The following NALCN variants were observed in gnomAD, a reference collection of about 807,000 sequenced individuals.
The protein encoded by NALCN is sodium leak channel, non-selective.
A neutral mutation model predicts 225.3 loss-of-function variants in NALCN; 111 were observed. The observed-to-expected ratio is 0.49, with a 90% CI of 0.42 to 0.58. NALCN has a LOEUF of 0.58. Among genes scored for constraint, NALCN ranks in the 20% least tolerant of loss-of-function variants. NALCN has a pLI of 0.00. For missense variants in NALCN, 1,378 were observed against 2,202.4 expected (o/e 0.63, Z 7.49); for synonymous variants, 764 against 769.0 (o/e 0.99, Z 0.11).
chr13:101,109,992 A>G (rs1263742326), intron 20 of NALCN, among the ~76,000 whole-genome samples: 3 of 152,190 alleles, frequency 2.0e-5, no homozygotes, highest in African/African-American at 7.2e-5. Context: ...TGAACTTATT[A>G]TCTGTCTCCT....
intron 12 of NALCN, among the ~76,000 whole-genome samples, chr13:101,235,043 G>A (rs1312079938): frequency 6.6e-6 from 1 of 151,322 alleles, no homozygotes; most frequent in African/African-American, 2.4e-5. Context: ...CCATTTTATA[G>A]GTATTTTACA....
At chr13:101,213,858 G>A (rs956985147) in intron 13 of NALCN, among the ~76,000 whole-genome samples, 1 of 152,200 alleles carries the variant, frequency 6.6e-6, no homozygotes, top group African/African-American at 2.4e-5. Flanking sequence ...CTGTAAACTA[G>A]TTCAATCATT....
intron 28 of NALCN, among the ~76,000 whole-genome samples, chr13:101,090,898 CAG>C (rs1318922473): frequency 6.6e-6 from 1 of 152,148 alleles, no homozygotes; most frequent in African/African-American, 2.4e-5. Context: ...CCCCGCTGTC[CAG>C]AGTTTCCAAC....
chr13:101,384,501 G>A (rs931375603), intron 3 of NALCN, among the ~76,000 whole-genome samples: 3 of 152,128 alleles, frequency 2.0e-5, no homozygotes, highest in Non-Finnish European at 4.4e-5. Context: ...AAAATGATAT[G>A]CACTGGTACA....
intron 6 of NALCN, among the ~76,000 whole-genome samples, chr13:101,365,385 TCTCA>T: frequency 6.6e-6 from 1 of 152,174 alleles, no homozygotes; most frequent in Non-Finnish European, 1.5e-5. Flanking sequence ...TCTCATTCTT[TCTCA>T]TGGCTGCATA....
chr13:101,177,419 A>ATATATATATATATATATATATATC (rs2039005468), intron 14 of NALCN, among the ~76,000 whole-genome samples: 1 of 142,180 alleles, frequency 7.0e-6, no homozygotes, highest in Admixed American at 6.9e-5. Context: ...GTATATATAT[A>ATATATATATATATATATATATATC]TATATATATA....
chr13:101,218,336 G>A (rs2040816866), intron 13 of NALCN, among the ~76,000 whole-genome samples: 1 of 152,072 alleles, frequency 6.6e-6, no homozygotes, highest in Non-Finnish European at 1.5e-5. Context: ...GAAATGTATT[G>A]TCTCACAGGT....
At chr13:101,182,182 G>T (rs2039265651) in intron 14 of NALCN, among the ~76,000 whole-genome samples, 2 of 149,824 alleles carry the variant, frequency 1.3e-5, no homozygotes, top group Non-Finnish European at 1.5e-5. Flanking sequence ...TCTTACATTG[G>T]TTAAACAAGA....
intron 11 of NALCN, among the ~76,000 whole-genome samples, chr13:101,250,125 T>C (rs1022710819): frequency 6.6e-6 from 1 of 152,038 alleles, no homozygotes; most frequent in African/African-American, 2.4e-5. Flanking sequence ...AAAGAAACTG[T>C]AGGATATGTA....
intron 7 of NALCN, among the ~76,000 whole-genome samples, chr13:101,300,363 T>TTCCTTCCTTCCTTCC (rs1555331934): frequency 2.0e-4 from 4 of 19,868 alleles, no homozygotes; most frequent in South Asian, 5.6e-3. Flanking sequence ...TCTTTCTTTC[T>TTCCTTCCTTCCTTCC]TTCTTTCCTT....
At chr13:101,288,435 C>A (rs2043422545) in intron 9 of NALCN, among the ~76,000 whole-genome samples, 1 of 152,132 alleles carries the variant, frequency 6.6e-6, no homozygotes, top group Non-Finnish European at 1.5e-5. Flanking sequence ...GTCTTTTCAT[C>A]CATTTTTTCT....
At chr13:101,127,512 C>T (rs776422567) in intron 17 of NALCN, among the ~76,000 whole-genome samples, 1 of 152,114 alleles carries the variant, frequency 6.6e-6, no homozygotes, top group Non-Finnish European at 1.5e-5. Context: ...GCATGCACTA[C>T]CACACCGGCT....
intron 3 of NALCN, 61 bp downstream of exon 3, chr13:101,395,122 A>T: frequency 1.4e-6 from 2 of 1,458,900 alleles, no homozygotes; most frequent in Non-Finnish European, 1.8e-6. Flanking sequence ...AAATATGATT[A>T]AAGGGATTAA....
chr13:101,322,963 T>G (rs1190636326), intron 7 of NALCN, among the ~76,000 whole-genome samples: 1 of 152,122 alleles, frequency 6.6e-6, no homozygotes. Flanking sequence ...ACTGCCCGCC[T>G]TGGCCTCCCA....
chr13:101,111,549 T>G (rs1594228673), intron 18 of NALCN, among the ~76,000 whole-genome samples: 3 of 152,138 alleles, frequency 2.0e-5, no homozygotes, highest in Admixed American at 6.5e-5. Flanking sequence ...AAGGCCAGCC[T>G]ACCCACAGTG....
intron 12 of NALCN, among the ~76,000 whole-genome samples, chr13:101,234,159 G>C (rs1302840017): frequency 6.6e-6 from 1 of 152,170 alleles, no homozygotes; most frequent in African/African-American, 2.4e-5. Flanking sequence ...TCTTCCTTAA[G>C]ACATTTCCAG....
intron 11 of NALCN, among the ~76,000 whole-genome samples, chr13:101,252,069 C>T (rs2042077675): frequency 6.6e-6 from 1 of 152,138 alleles, no homozygotes; most frequent in African/African-American, 2.4e-5. Flanking sequence ...TTTGATAAAT[C>T]ATGTTATTGC....
intron 13 of NALCN, among the ~76,000 whole-genome samples, chr13:101,225,391 C>T (rs143874883): frequency 2.0e-5 from 3 of 152,220 alleles, no homozygotes; most frequent in Non-Finnish European, 4.4e-5. Flanking sequence ...TTCACCTGTT[C>T]CATTCATCCA....
chr13:101,162,432 C>T (rs918163379), intron 15 of NALCN, among the ~76,000 whole-genome samples: 7 of 152,142 alleles, frequency 4.6e-5, no homozygotes, highest in African/African-American at 1.2e-4. Flanking sequence ...AAGATCCAAA[C>T]GGACTGTGTG....
Sources: gnomAD v4.1 joint callset for allele counts (sites outside exome capture counted in the v4.1 genomes callset) on GRCh38, gnomAD v4.1.1 for gene constraint, MANE v1.5 for transcripts, NCBI Gene and HGNC (gene_info 2026-07-23, HGNC 2026-07-21) for gene names.